The following STAG1 variants were observed in gnomAD, a reference collection of about 807,000 sequenced individuals.
STAG1 encodes the protein cohesin subunit SA-1.
A neutral mutation model predicts 170.9 loss-of-function variants in STAG1; 26 were observed. The ratio of observed to expected loss-of-function variants is 0.15; its 90% CI spans 0.11 to 0.21. STAG1 has a LOEUF of 0.21. Among genes scored for constraint, STAG1 ranks in the 10% least tolerant of loss-of-function variants. The pLI is 1.00. For synonymous variants in STAG1, 514 were observed against 497.7 expected (o/e 1.03, Z -0.44); for missense variants, 964 against 1,509.5 (o/e 0.64, Z 5.99).
At chr3:136,740,218 G>C (rs890176733) in intron 1 of STAG1, among the ~76,000 whole-genome samples, 2 of 152,050 alleles carry the variant, frequency 1.3e-5, no homozygotes, top group African/African-American at 4.8e-5. Context: ...ACTCCAGCCC[G>C]GGCAACAAAG....
intron 6 of STAG1, among the ~76,000 whole-genome samples, chr3:136,531,980 G>T (rs545196908): frequency 7.3e-5 from 11 of 150,670 alleles, no homozygotes; most frequent in Admixed American, 5.9e-4. Context: ...ACTAGAGTAG[G>T]AAGAACAAAC....
chr3:136,343,205 C>A (rs1466785325), intron 30 of STAG1, among the ~76,000 whole-genome samples: 1 of 152,076 alleles, frequency 6.6e-6, no homozygotes, highest in African/African-American at 2.4e-5. Context: ...GGATGGAAAA[C>A]AACAATAAGA....
chr3:136,728,919 C>T (rs1455353827), intron 1 of STAG1, among the ~76,000 whole-genome samples: 1 of 152,086 alleles, frequency 6.6e-6, no homozygotes, highest in African/African-American at 2.4e-5. Flanking sequence ...ACTTAGGTTT[C>T]ATTTCTATTT....
intron 15 of STAG1, among the ~76,000 whole-genome samples, chr3:136,440,113 C>T (rs1483226962): frequency 6.6e-6 from 1 of 152,090 alleles, no homozygotes; most frequent in South Asian, 2.1e-4. Context: ...AGCAGACCAT[C>T]TTGTCTTGTC....
intron 3 of STAG1, among the ~76,000 whole-genome samples, chr3:136,607,318 A>C (rs989497276): frequency 6.6e-6 from 1 of 152,152 alleles, no homozygotes; most frequent in Non-Finnish European, 1.5e-5. Flanking sequence ...GTCTATTCTC[A>C]ACCATTTATT....
At chr3:136,518,484 A>T in intron 7 of STAG1, 1 of 671,176 alleles carries the variant, frequency 1.5e-6, no homozygotes. Flanking sequence ...AAATAAGAAG[A>T]GGGCAAAGAT....
chr3:136,496,529 A>G (rs1258939735), intron 9 of STAG1, among the ~76,000 whole-genome samples: 1 of 152,216 alleles, frequency 6.6e-6, no homozygotes, highest in East Asian at 1.9e-4. Flanking sequence ...TCTGCACACT[A>G]AATGCCATGC....
At chr3:136,357,951 A>T in intron 27 of STAG1, 103 bp from the exon 28 acceptor site, 2 of 951,592 alleles carry the variant, frequency 2.1e-6, no homozygotes, top group South Asian at 3.2e-5. Flanking sequence ...TTATCACAAA[A>T]GGTAGTAAAA....
chr3:136,678,347 T>C lies in STAG1; in HGVS notation c.-83-47366A>G, dbSNP rs757825318. On this transcript the variant is annotated intron_variant, in intron 1 of 33. Coordinates refer to ENST00000383202, the MANE Select transcript of STAG1 (RefSeq NM_005862.3). ...GAAACACATCAATATATAAATAAAA[T>C]AGTACCCAATGATGAAAAAATCCAT... Among the ~76,000 whole-genome samples, 17 of 151,302 alleles carry C rather than the reference T, an allele frequency of 1.1e-4. 1 individual carries two copies. The highest frequency in any genetic ancestry group is 3.4e-3 in the Middle Eastern group (1 of 294).
chr3:136,493,365 A>G (rs1378774230), intron 9 of STAG1, among the ~76,000 whole-genome samples: 1 of 151,928 alleles, frequency 6.6e-6, no homozygotes, highest in South Asian at 2.1e-4. Context: ...CCAAACCAAA[A>G]CAAAAAGATC....
chr3:136,521,422 A>C lies in STAG1; in HGVS notation c.472-5T>G. 3.1e-6 allele frequency: 5 copies of C among 1,612,464 alleles called. No homozygotes were observed. The highest frequency in any genetic ancestry group is 4.2e-6 in the Non-Finnish European group (5 of 1,178,866). ...AAGAGGATAATCACCACTGTCCTAA[A>C]AAACAGAAAAAGAACATATTAAGTA... On this transcript the variant is annotated splice_polypyrimidine_tract_variant and splice_region_variant and intron_variant, in intron 6 of 33. Transcript: ENST00000383202.
chr3:136,436,534 G>A (rs970632161), intron 15 of STAG1, among the ~76,000 whole-genome samples: 14 of 152,138 alleles, frequency 9.2e-5, no homozygotes, highest in Non-Finnish European at 2.1e-4. Context: ...CACCCACGTC[G>A]GCCTCCCAAA....
At chr3:136,430,893 C>G (rs1046977643) in intron 16 of STAG1, among the ~76,000 whole-genome samples, 57 of 149,808 alleles carry the variant, frequency 3.8e-4, no homozygotes, top group Non-Finnish European at 6.8e-4. Context: ...CTTACCATTT[C>G]AGATTTACAT....
intron 1 of STAG1, among the ~76,000 whole-genome samples, chr3:136,642,556 G>A (rs1423799455): frequency 6.6e-6 from 1 of 152,136 alleles, no homozygotes; most frequent in Non-Finnish European, 1.5e-5. Flanking sequence ...GTGAGCCACT[G>A]CACCCGGCCC....
At chr3:136,371,294 A>G (rs1357366873) in intron 23 of STAG1, among the ~76,000 whole-genome samples, 24 of 151,996 alleles carry the variant, frequency 1.6e-4, no homozygotes, top group Admixed American at 1.4e-3. Context: ...ATTTTCTCCC[A>G]TTCTGTAGGT....
At chr3:136,422,649 G>A in intron 18 of STAG1, 36 bp from the exon 19 acceptor site, 1 of 1,577,352 alleles carries the variant, frequency 6.3e-7, no homozygotes, top group South Asian at 1.2e-5. Context: ...GTAATATTTA[G>A]GTTAACAATA....
intron 4 of STAG1, among the ~76,000 whole-genome samples, chr3:136,585,848 T>C (rs1937791245): frequency 6.6e-6 from 1 of 152,172 alleles, no homozygotes; most frequent in African/African-American, 2.4e-5. Flanking sequence ...TTTTCTTTAG[T>C]AGTTTGGAAA....
At chr3:136,355,655 A>ACAGTCT (rs1431494496) in intron 28 of STAG1, among the ~76,000 whole-genome samples, 1 of 152,196 alleles carries the variant, frequency 6.6e-6, no homozygotes, top group Non-Finnish European at 1.5e-5. Flanking sequence ...GATACATGGA[A>ACAGTCT]CAGTCTCTAA....
At chr3:136,581,963 C>T (rs1464818692) in intron 4 of STAG1, among the ~76,000 whole-genome samples, 1 of 152,066 alleles carries the variant, frequency 6.6e-6, no homozygotes, top group Non-Finnish European at 1.5e-5. Flanking sequence ...TTCTTCTCTT[C>T]CTTTTAAAGT....
Sources: gnomAD v4.1 joint callset for allele counts (sites outside exome capture counted in the v4.1 genomes callset) on GRCh38, gnomAD v4.1.1 for gene constraint, MANE v1.5 for transcripts, NCBI Gene and HGNC (gene_info 2026-07-23, HGNC 2026-07-21) for gene names.